SMG1: variants seen among roughly 807,000 people sequenced by gnomAD.
SMG1 encodes serine/threonine-protein kinase SMG1.
SMG1 carries 22 observed loss-of-function variants against 419.9 expected under a neutral mutation model. The observed-to-expected ratio is 0.05, with a 90% CI of 0.04 to 0.07. The LOEUF (loss-of-function observed/expected upper bound fraction) is 0.07, where lower values mean the gene tolerates loss of function less well. Among genes scored for constraint, SMG1 ranks in the 10% least tolerant of loss-of-function variants. SMG1 has a pLI of 1.00. For synonymous variants in SMG1, 1,538 were observed against 1,553.5 expected (o/e 0.99, Z 0.23); for missense variants, 3,185 against 4,342.0 (o/e 0.73, Z 7.49).
chr16:18,828,480 A>G (rs944090052), intron 54 of SMG1, among the ~76,000 whole-genome samples: 11 of 152,164 alleles, frequency 7.2e-5, no homozygotes, highest in African/African-American at 2.4e-4. Flanking sequence ...AAGTTTATAT[A>G]CCCAAGTCTC....
intron 11 of SMG1, chr16:18,879,121 T>C (rs1344662551): frequency 6.9e-6 from 2 of 291,198 alleles, no homozygotes; most frequent in African/African-American, 4.4e-5. Flanking sequence ...GCCCTTATTT[T>C]TTTTTCTTTT....
At chr16:18,844,045 T>A (rs530107859) in intron 39 of SMG1, among the ~76,000 whole-genome samples, 1 of 149,590 alleles carries the variant, frequency 6.7e-6, no homozygotes, top group South Asian at 2.1e-4. Context: ...ACAAACAGGG[T>A]TTACAGGGTT....
In SMG1 at chr16:18,815,527, G is replaced by A. The variant is rs764557989; in HGVS notation, c.10427C>T (p.Ala3476Val). 6.2e-7 allele frequency: 1 copy of A among 1,613,936 alleles called. No individual in the cohort carries two copies. The highest frequency in any genetic ancestry group is 2.2e-5 in the East Asian group (1 of 44,868). ...IQTVLFTLVQ[A>V]MGQVRSQEHV... ...TTCTTGACTTCGAACCTGACCCATA[G>A]CCTGGACTAATGTAAATAGAACTGT... The change falls in exon 59 of 63, where the codon GCT (alanine) becomes GTT (valine). Residue 3476 changes from alanine (A) to valine (V), a missense_variant. Around this residue, in one of 27 missense-constraint regions of SMG1, gnomAD observed 737 missense variants for 846.6 expected, o/e 0.87. Coordinates refer to ENST00000446231, the MANE Select transcript of SMG1 (RefSeq NM_015092.5).
chr16:18,892,046 G>A (rs971608651), intron 4 of SMG1, among the ~76,000 whole-genome samples, 172 bp downstream of exon 4: 6 of 152,138 alleles, frequency 3.9e-5, no homozygotes, highest in South Asian at 2.1e-4. Context: ...CAGCCTGGGC[G>A]ACAGAGCAAG....
At chr16:18,817,689 GACAA>G (rs1281023415) in intron 56 of SMG1, among the ~76,000 whole-genome samples, 4 of 152,102 alleles carry the variant, frequency 2.6e-5, no homozygotes, top group South Asian at 4.1e-4. Context: ...CAAAAGCACT[GACAA>G]ACAATTAGGT....
rs2036305142 is a variant in SMG1, at chr16:18,879,831, C to G, written c.1294-112G>C. The G allele has an allele frequency of 1.3e-5, 9 of 681,866 alleles. No individual in the cohort carries two copies. The South Asian group carries it at 1.5e-4, about 11-fold the overall frequency. The allele number at this position is 681,866 out of a possible 1,614,324, so 42.2% of individuals were successfully genotyped here. On this transcript the variant is annotated intron_variant, in intron 10 of 62. Coordinates refer to ENST00000446231, the MANE Select transcript of SMG1 (RefSeq NM_015092.5). Reference sequence around the variant, plus strand: ...AACTGAAAATTAACTGCTTGCCTTGCCAGCAGTCTCTTAATATTCTAGTTC... The same window carrying G: ...AACTGAAAATTAACTGCTTGCCTTGGCAGCAGTCTCTTAATATTCTAGTTC...
intron 1 of SMG1, among the ~76,000 whole-genome samples, chr16:18,919,906 G>A (rs2038129062): frequency 6.6e-6 from 1 of 151,840 alleles, no homozygotes; most frequent in Admixed American, 6.6e-5. Context: ...GGACCAGCCT[G>A]GCCAACATGG....
chr16:18,896,702 GA>G, intron 2 of SMG1, 90 bp downstream of exon 2: 1 of 873,162 alleles, frequency 1.1e-6, no homozygotes, highest in South Asian at 1.6e-5. Context: ...TATATTAGAA[GA>G]AAGCAAGAAA....
chr16:18,844,850 C>T lies in SMG1; in HGVS notation c.6219+579G>A, dbSNP rs1054286445. 4.6e-5 allele frequency among the ~76,000 whole-genome samples: 7 copies of T among 152,176 alleles called. No individual in the cohort carries two copies. In the East Asian group the frequency reaches 1.4e-3, roughly 29 times the overall value. ...GCTACAAAGTAATAAGCTCCCCCAACTAATGGTGTTATTTGCTAGAAAAGA... is the reference window on the plus strand; with the variant it reads ...GCTACAAAGTAATAAGCTCCCCCAATTAATGGTGTTATTTGCTAGAAAAGA... On this transcript the variant is annotated intron_variant, in intron 39 of 62. Transcript: ENST00000446231.
intron 53 of SMG1, 73 bp from the exon 54 acceptor site, chr16:18,829,828 G>T: frequency 6.9e-7 from 1 of 1,454,792 alleles, no homozygotes; most frequent in Non-Finnish European, 9.2e-7. Context: ...TAGTATTTAA[G>T]GTGTCATGAA....
rs2030950659 is a variant in SMG1, at chr16:18,807,533, ATACTTGTT to A, written c.*2028_*2035del. Reference sequence around the variant, plus strand: ...TTCAAAAAAATCCACCGTGCCTACAATACTTGTTAAAGTACCAAAAAAGCACTGATACT... The same window carrying A: ...TTCAAAAAAATCCACCGTGCCTACAAAAAGTACCAAAAAAGCACTGATACT... On this transcript the variant is annotated 3_prime_UTR_variant, in exon 63 of 63. Coordinates refer to ENST00000446231, the MANE Select transcript of SMG1 (RefSeq NM_015092.5). The A allele has an allele frequency of 1.3e-5, 2 of 152,018 alleles. No homozygotes were observed. The highest frequency in any genetic ancestry group is 4.8e-5 in the African/African-American group (2 of 41,368). 9.4% of individuals were successfully genotyped at this position (152,018 alleles called of 1,614,324 possible).
rs2033463097 is a variant in SMG1 at position 18,834,983 on chromosome 16, G to C, written c.8239C>G (p.Arg2747Gly). 4 of 1,613,908 alleles carry C rather than the reference G, an allele frequency of 2.5e-6. No homozygotes were observed. Among genetic ancestry groups the C allele is most frequent in the Non-Finnish European group, 3.4e-6 (4 of 1,179,876 alleles). Residue 2747 changes from arginine to glycine, a missense_variant, in exon 49 of 63, where the codon CGT becomes GGT. Around this residue, in one of 27 missense-constraint regions of SMG1, gnomAD observed 412 missense variants for 546.6 expected, o/e 0.75. Transcript: ENST00000446231. ...VCEDQLKEIE[R>G]CIKVFLHENG... ...TCATGAAGGAAAACTTTAATGCAAC[G>C]TTCAATTTCTTTCAACTGATCTTCA...
chr16:18,832,486 G>A (rs184095509), intron 51 of SMG1, among the ~76,000 whole-genome samples: 1 of 152,026 alleles, frequency 6.6e-6, no homozygotes, highest in East Asian at 1.9e-4. Flanking sequence ...TCTACAAGAT[G>A]GCTTAAAAAT....
Position 18,895,512 on chromosome 16 carries a change from A to G in SMG1, c.412+540T>C, listed in dbSNP as rs532166557. Among the ~76,000 whole-genome samples, 6 of 151,492 alleles carry G rather than the reference A, an allele frequency of 4.0e-5. No homozygotes were observed. In the East Asian group the frequency reaches 1.2e-3, roughly 30 times the overall value. On this transcript the variant is annotated intron_variant, in intron 3 of 62. Coordinates refer to ENST00000446231, the MANE Select transcript of SMG1 (RefSeq NM_015092.5). ...ATTGAAAACAACAACAAAAAAAAAA[A>G]CCAGAAAAGTACCCACTCTAGGGGG...
intron 39 of SMG1, among the ~76,000 whole-genome samples, chr16:18,844,767 G>C (rs180970012): frequency 6.6e-6 from 1 of 152,070 alleles, no homozygotes; most frequent in Non-Finnish European, 1.5e-5. Flanking sequence ...AAGGAAATCA[G>C]TTAGGAGCAA....
chr16:18,848,176 A>C, intron 36 of SMG1, 143 bp from the exon 37 acceptor site: 1 of 665,012 alleles, frequency 1.5e-6, no homozygotes. Context: ...CTGATTAAAG[A>C]TTGTGGATAT....
chr16:18,920,900 G>A (rs1313163528), intron 1 of SMG1, among the ~76,000 whole-genome samples: 1 of 152,072 alleles, frequency 6.6e-6, no homozygotes, highest in Non-Finnish European at 1.5e-5. Flanking sequence ...CACTTTGGGA[G>A]GCCGAAGCCG....
intron 6 of SMG1, 42 bp from the exon 7 acceptor site, chr16:18,885,708 T>C (rs1339877496): frequency 6.3e-7 from 1 of 1,588,528 alleles, no homozygotes; most frequent in Non-Finnish European, 8.5e-7. Flanking sequence ...TTCAACAAAA[T>C]AGGGAGAAAA....
intron 11 of SMG1, chr16:18,878,046 C>T (rs1263949135): frequency 6.6e-6 from 1 of 152,118 alleles, no homozygotes; most frequent in Non-Finnish European, 1.5e-5. Context: ...ACTATGCTCC[C>T]TATTTTTATG....
Sources: gnomAD v4.1 joint callset for allele counts (sites outside exome capture counted in the v4.1 genomes callset) on GRCh38, gnomAD v4.1.1 for gene constraint, gnomAD v4.1.1 regional missense constraint, MANE v1.5 for transcripts, NCBI Gene and HGNC (gene_info 2026-07-23, HGNC 2026-07-21) for gene names.